Variants in CAMK4 observed in about 807,000 individuals in gnomAD.
CAMK4 encodes the protein calcium/calmodulin-dependent protein kinase type IV.
Under a neutral mutation model 44.9 loss-of-function variants are expected in CAMK4, and 22 were observed. That is an observed-to-expected ratio of 0.49 (90% CI 0.35 to 0.70). The LOEUF (loss-of-function observed/expected upper bound fraction) is 0.70. Ranked by LOEUF, CAMK4 falls within the 30% of genes least tolerant of loss-of-function variation. The probability of loss-of-function intolerance (pLI) is 0.01; values close to 1 mark genes in which losing one functional copy is unlikely to be tolerated. For missense variants in CAMK4, 498 were observed against 586.8 expected (o/e 0.85, Z 1.56); for synonymous variants, 218 against 215.4 (o/e 1.01, Z -0.11).
Position 111,250,624 on chromosome 5 carries a change from C to T in CAMK4, c.161+25980C>T, listed in dbSNP as rs935354846. On this transcript the variant is annotated intron_variant, in intron 1 of 10. Coordinates refer to ENST00000282356, the MANE Select transcript of CAMK4 (RefSeq NM_001744.6). ...ATCCCTGTAGTATCCATTTTTCTTT[C>T]TCATATCTGCTTTATTCTTTGTCTT... Among the ~76,000 whole-genome samples the T allele has an allele frequency of 3.3e-5, 5 of 152,260 alleles. No homozygotes were observed. The East Asian group carries it at 9.7e-4, about 29-fold the overall frequency.
intron 7 of CAMK4, among the ~76,000 whole-genome samples, chr5:111,451,639 C>T (rs1258947515): frequency 2.0e-5 from 3 of 152,000 alleles, no homozygotes; most frequent in Admixed American, 6.5e-5. Context: ...TGCAGTGGCT[C>T]ATGCCTATAA....
intron 5 of CAMK4, among the ~76,000 whole-genome samples, chr5:111,439,836 G>A (rs1278763781): frequency 6.6e-6 from 1 of 152,202 alleles, no homozygotes; most frequent in Non-Finnish European, 1.5e-5. Context: ...AGGAAAGCCA[G>A]GCTGCTGATG....
rs140951708 is a variant in CAMK4 at position 111,482,928 on chromosome 5, T to C, written c.972T>C (p.Arg324=). The part of the protein sequence containing the change: ...QKKLQEFNAR[R]KLKAAVKAVV... ...AGCTCCAAGAATTCAATGCCCGGCG[T>C]AAGCTTAAGGTAAGATAGCATATAT... The change falls in exon 10 of 11, where the codon CGT becomes CGC. Residue 324 remains arginine, a synonymous_variant. Coordinates refer to ENST00000282356, the MANE Select transcript of CAMK4 (RefSeq NM_001744.6). The surrounding 1 kb of genome is among the most constrained non-coding windows in gnomAD (Gnocchi z 4.9). 296 of 1,605,656 alleles carry C rather than the reference T, an allele frequency of 1.8e-4. No individual in the cohort carries two copies. The African/African-American group carries it at 3.6e-3, about 20-fold the overall frequency.
rs1347366353 is a variant in CAMK4 at position 111,487,743 on chromosome 5, TAGAC to T, written c.*3280_*3283del. ...CACATGTGGCTAGTGGCTACCATATTAGACAGCACTAGTCTAGAGTACTTTTTAT... is the reference window on the plus strand; with the variant it reads ...CACATGTGGCTAGTGGCTACCATATTAGCACTAGTCTAGAGTACTTTTTAT... On this transcript the variant is annotated 3_prime_UTR_variant, in exon 11 of 11. Transcript: ENST00000282356. The T allele has an allele frequency of 6.6e-6, 1 of 152,168 alleles. No individual in the cohort carries two copies. The highest frequency in any genetic ancestry group is 2.4e-5 in the African/African-American group (1 of 41,438). 9.4% of individuals were successfully genotyped at this position (152,168 alleles called of 1,614,324 possible).
intron 7 of CAMK4, among the ~76,000 whole-genome samples, chr5:111,464,840 G>A (rs778780071): frequency 8.9e-4 from 136 of 152,222 alleles, no homozygotes; most frequent in Non-Finnish European, 1.6e-3. Context: ...CAGTTTTCTG[G>A]TGATATTATT....
intron 2 of CAMK4, among the ~76,000 whole-genome samples, chr5:111,369,606 C>G (rs536185826): frequency 6.6e-6 from 1 of 152,150 alleles, no homozygotes; most frequent in East Asian, 1.9e-4. Context: ...TTGATTCTCA[C>G]AAAGTTTTGC....
intron 7 of CAMK4, among the ~76,000 whole-genome samples, chr5:111,460,124 C>T (rs1275522062): frequency 6.6e-6 from 1 of 151,622 alleles, no homozygotes; most frequent in Non-Finnish European, 1.5e-5. Context: ...ACAAAATGTT[C>T]CACTTTAAAA....
rs914018978 is a variant in CAMK4, at chr5:111,264,844, A to G, written c.161+40200A>G. Among the ~76,000 whole-genome samples, 6 of 151,718 alleles carry G rather than the reference A, an allele frequency of 4.0e-5. No homozygotes were observed. In the East Asian group the frequency reaches 1.2e-3, roughly 29 times the overall value. On this transcript the variant is annotated intron_variant, in intron 1 of 10. Transcript: ENST00000282356. ...AATTCCCCTGTTTCCCTGAGGTCTG[A>G]TGTTGTTTGCTTGATGCTGATACTA...
intron 1 of CAMK4, among the ~76,000 whole-genome samples, chr5:111,232,425 C>T (rs1177148253): frequency 6.6e-6 from 1 of 151,972 alleles, no homozygotes; most frequent in Non-Finnish European, 1.5e-5. Flanking sequence ...AACAGCATGT[C>T]AGGCAGATGG....
intron 1 of CAMK4, among the ~76,000 whole-genome samples, chr5:111,337,291 T>C (rs1339049941): frequency 1.3e-5 from 2 of 151,298 alleles, no homozygotes; most frequent in African/African-American, 4.8e-5. Context: ...CTTTTGGTGA[T>C]TACTCATAAA....
chr5:111,256,590 T>TTTTA (rs1281962460), intron 1 of CAMK4, among the ~76,000 whole-genome samples: 2 of 152,126 alleles, frequency 1.3e-5, no homozygotes, highest in African/African-American at 4.8e-5. Context: ...GGCCAATAGT[T>TTTTA]TTAGAGAGCC....
Position 111,238,349 on chromosome 5 carries a change from A to C in CAMK4, c.161+13705A>C, listed in dbSNP as rs79892303. Among the ~76,000 whole-genome samples, 342 of 152,252 alleles carry C rather than the reference A, an allele frequency of 2.2e-3. 3 individuals carry two copies. The highest frequency in any genetic ancestry group is 7.9e-3 in the African/African-American group (329 of 41,540). On this transcript the variant is annotated intron_variant, in intron 1 of 10. Coordinates refer to ENST00000282356, the MANE Select transcript of CAMK4 (RefSeq NM_001744.6). ...GTTTGGAGATGTGCCTTCGGCAGAA[A>C]ATTAGGTTTAGGTGAGGTGATGAGG... is the stretch of plus-strand genomic sequence containing the variant.
At chr5:111,367,356 C>T (rs1003492748) in intron 2 of CAMK4, among the ~76,000 whole-genome samples, 1 of 151,718 alleles carries the variant, frequency 6.6e-6, no homozygotes, top group African/African-American at 2.4e-5. Flanking sequence ...GAGCACATAC[C>T]TCATGACTTA....
Position 111,397,033 on chromosome 5 carries a change from A to G in CAMK4, c.459+2251A>G, listed in dbSNP as rs555641044. The stretch of plus-strand genomic sequence containing the variant: ...TTCTCCATTTAATAATGGCAATTTT[A>G]TACTTTTCTTAAATACCCATTTTAA... On this transcript the variant is annotated intron_variant, in intron 5 of 10. Coordinates refer to ENST00000282356, the MANE Select transcript of CAMK4 (RefSeq NM_001744.6). Among the ~76,000 whole-genome samples, 105 of 152,318 alleles carry G rather than the reference A, an allele frequency of 6.9e-4. 2 individuals carry two copies. The highest frequency in any genetic ancestry group is 2.5e-3 in the African/African-American group (104 of 41,576).
rs964657080 is a variant in CAMK4 at position 111,335,894 on chromosome 5, A to T, written c.162-8130A>T. On this transcript the variant is annotated intron_variant, in intron 1 of 10. Transcript: ENST00000282356. ...ATTTTACAAACACATTACAGGTTTG[A>T]CAACTCTCTCTTTTTGTGTAATGAA... Among the ~76,000 whole-genome samples the T allele has an allele frequency of 2.6e-5, 4 of 151,364 alleles. No homozygotes were observed. In the South Asian group the frequency reaches 6.2e-4, roughly 24 times the overall value.
In CAMK4 at chr5:111,376,854, C is replaced by A; in HGVS notation, c.304-6C>A. The A allele has an allele frequency of 1.3e-6, 2 of 1,513,020 alleles. No individual in the cohort carries two copies. Among genetic ancestry groups the A allele is most frequent in the South Asian group, 1.2e-5 (1 of 85,346 alleles). The allele number at this position is 1,513,020 out of a possible 1,614,324, so 93.7% of individuals were successfully genotyped here. On this transcript the variant is annotated splice_region_variant and splice_polypyrimidine_tract_variant and intron_variant, in intron 3 of 10. Coordinates refer to ENST00000282356, the MANE Select transcript of CAMK4 (RefSeq NM_001744.6). ...GTGATATTCTTTTTTTTATATCTTT[C>A]CCTAGATAAAACTTAAAGAGATATT...
chr5:111,380,043 C>T (rs1311555014), intron 4 of CAMK4, among the ~76,000 whole-genome samples: 2 of 151,980 alleles, frequency 1.3e-5, no homozygotes, highest in Non-Finnish European at 2.9e-5. Context: ...TCTGTTTAAC[C>T]GTTCTCAGTT....
At chr5:111,383,570 G>T (rs979616592) in intron 4 of CAMK4, among the ~76,000 whole-genome samples, 3 of 152,044 alleles carry the variant, frequency 2.0e-5, no homozygotes, top group Non-Finnish European at 4.4e-5. Context: ...AGTACAGTGG[G>T]GCCAGATAGA....
intron 1 of CAMK4, among the ~76,000 whole-genome samples, chr5:111,326,969 T>A (rs1408252917): frequency 6.6e-6 from 1 of 151,980 alleles, no homozygotes; most frequent in Admixed American, 6.6e-5. Flanking sequence ...AATTCCAAAA[T>A]AGAAAGCTGA....
Sources: allele counts gnomAD v4.1 joint callset (sites outside exome capture counted in the v4.1 genomes callset), GRCh38; gene constraint gnomAD v4.1.1; non-coding constraint Gnocchi (gnomAD v3.1); transcripts MANE v1.5; gene names NCBI Gene and HGNC (gene_info 2026-07-23, HGNC 2026-07-21).